SIM1: variants seen among roughly 807,000 people sequenced by gnomAD.
SIM1 encodes the protein single-minded homolog 1.
Under a neutral mutation model 78.2 loss-of-function variants are expected in SIM1, and 18 were observed. The observed-to-expected ratio is 0.23, with a 90% CI of 0.16 to 0.34. The LOEUF is 0.34. SIM1 is among the 10% of genes least tolerant of loss of function. The probability of loss-of-function intolerance (pLI) is 1.00; values close to 1 mark genes in which losing one functional copy is unlikely to be tolerated. For missense variants in SIM1, 939 were observed against 975.1 expected, an observed-to-expected ratio of 0.96 and a Z score of 0.49; for synonymous variants, 417 against 385.2, an observed-to-expected ratio of 1.08 and a Z score of -0.97.
At chr6:100,448,028 A>G in intron 8 of SIM1, 118 bp downstream of exon 8, 2 of 762,710 alleles carry the variant, frequency 2.6e-6, no homozygotes, top group East Asian at 5.4e-5. Context: ...CACCACCACC[A>G]CCCGGCTCCC....
Position 100,387,752 on chromosome 6 carries a change from T to C in SIM1, c.*2609A>G, listed in dbSNP as rs1331715104. ...TTTTAAAGAGCATTATTCCTTCTGATTACTCTCATCTGTGAAATTCATAAT... is the reference window on the plus strand; with the variant it reads ...TTTTAAAGAGCATTATTCCTTCTGACTACTCTCATCTGTGAAATTCATAAT... On this transcript the variant is annotated 3_prime_UTR_variant, in exon 12 of 12. Transcript: ENST00000369208. The C allele has an allele frequency of 1.3e-5, 2 of 152,130 alleles. No individual in the cohort carries two copies. The highest frequency in any genetic ancestry group is 4.8e-5 in the African/African-American group (2 of 41,448). The allele number at this position is 152,130 out of a possible 1,614,324, so 9.4% of individuals were successfully genotyped here.
rs1772476719 is a variant in SIM1 at position 100,450,372 on chromosome 6, TAGAG to T, written c.259-20_259-17del. ...CATCCAGGGTCTGGGGAGGCACAAATAGAGAGAATAGAGAGCCCTCTGGGCCATC... is the reference window on the plus strand; with the variant it reads ...CATCCAGGGTCTGGGGAGGCACAAATAGAATAGAGAGCCCTCTGGGCCATC... On this transcript the variant is annotated splice_polypyrimidine_tract_variant and intron_variant, in intron 3 of 11. Transcript: ENST00000369208. 9 of 1,605,412 alleles carry T rather than the reference TAGAG, an allele frequency of 5.6e-6. No individual in the cohort carries two copies. The highest frequency in any genetic ancestry group is 1.3e-5 in the African/African-American group (1 of 74,684).
intron 2 of SIM1, among the ~76,000 whole-genome samples, chr6:100,462,249 A>G (rs1772875151): frequency 6.6e-6 from 1 of 152,288 alleles, no homozygotes; most frequent in South Asian, 2.1e-4. Flanking sequence ...AATAAACACA[A>G]TTCTTTCCCT....
rs1202851296 is a variant in SIM1 at position 100,388,499 on chromosome 6, T to C, written c.*1862A>G. ...TTTTTTGCATTTACAGCACAAATGTTAACATTATTTAATTTTATGTAGCCT... is the reference window on the plus strand; with the variant it reads ...TTTTTTGCATTTACAGCACAAATGTCAACATTATTTAATTTTATGTAGCCT... On this transcript the variant is annotated 3_prime_UTR_variant, in exon 12 of 12. Coordinates refer to ENST00000369208, the MANE Select transcript of SIM1 (RefSeq NM_005068.3). 6.6e-6 allele frequency: 1 copy of C among 152,230 alleles called. No homozygotes were observed. Among genetic ancestry groups the C allele is most frequent in the Non-Finnish European group, 1.5e-5 (1 of 68,032 alleles). 9.4% of individuals were successfully genotyped at this position (152,230 alleles called of 1,614,324 possible).
chr6:100,413,075 T>TACC (rs1201980626), intron 10 of SIM1, among the ~76,000 whole-genome samples: 1 of 152,178 alleles, frequency 6.6e-6, no homozygotes, highest in African/African-American at 2.4e-5. Context: ...TCCCAACACA[T>TACC]ACCACCACCA....
At chr6:100,439,433 T>C (rs1772148472) in intron 9 of SIM1, among the ~76,000 whole-genome samples, 3 of 152,224 alleles carry the variant, frequency 2.0e-5, no homozygotes, top group Admixed American at 2.0e-4. Context: ...ACTATAACAT[T>C]GCAAACTGAG....
At position 100,448,627 on chromosome 6, in the gene SIM1, A is replaced by G. The variant is rs373707444; in HGVS notation, c.595T>C (p.Ser199Pro). 12 of 1,613,676 alleles carry G rather than the reference A, an allele frequency of 7.4e-6. No individual in the cohort carries two copies. The highest frequency in any genetic ancestry group is 1.3e-5 in the African/African-American group (1 of 74,912). Residue 199 changes from serine (S) to proline (P), a missense_variant, in exon 7 of 12, where the codon TCC (serine) becomes CCC (proline). By Grantham distance (74) the Ser-to-Pro change is moderately conservative. Coordinates refer to ENST00000369208, the MANE Select transcript of SIM1 (RefSeq NM_005068.3). ...LKIRQYSLDMSPFDGCYQNVG... is the reference protein window; with the variant it reads ...LKIRQYSLDMPPFDGCYQNVG... Reference sequence around the variant, plus strand: ...TTTTGGTAGCAGCCGTCGAAGGGGGACATGTCCAGGCTGTACTGGCGGATC... The same window carrying G: ...TTTTGGTAGCAGCCGTCGAAGGGGGGCATGTCCAGGCTGTACTGGCGGATC...
intron 9 of SIM1, among the ~76,000 whole-genome samples, chr6:100,446,760 A>C (rs1009835294): frequency 6.6e-6 from 1 of 152,138 alleles, no homozygotes; most frequent in African/African-American, 2.4e-5. Flanking sequence ...CTACGAGTTA[A>C]AGTCAGATCC....
intron 9 of SIM1, among the ~76,000 whole-genome samples, chr6:100,438,101 A>G (rs1772104715): frequency 6.6e-6 from 1 of 152,176 alleles, no homozygotes; most frequent in Admixed American, 6.5e-5. Flanking sequence ...ACAAAAATGA[A>G]AATAAATAAA....
At chr6:100,457,732 C>T (rs1772707629) in intron 2 of SIM1, among the ~76,000 whole-genome samples, 1 of 152,360 alleles carries the variant, frequency 6.6e-6, no homozygotes, top group Non-Finnish European at 1.5e-5. Context: ...GCACCCGACC[C>T]CACCTCTGGC....
At chr6:100,409,763 TC>T (rs1270684989) in intron 10 of SIM1, among the ~76,000 whole-genome samples, 1 of 152,196 alleles carries the variant, frequency 6.6e-6, no homozygotes, top group African/African-American at 2.4e-5. Flanking sequence ...ATTTTTTATT[TC>T]TTTTTTTATT....
At chr6:100,412,697 AAGAAAGAAAGAAAGAAAGAAAG>A (rs1771264043) in intron 10 of SIM1, among the ~76,000 whole-genome samples, 1 of 114,404 alleles carries the variant, frequency 8.7e-6, no homozygotes, top group Non-Finnish European at 1.8e-5. Context: ...GAAAGAAAGA[AAGAAAGAAAGAAAGAAAGAAAG>A]AAAGAAAGAA....
Position 100,453,818 on chromosome 6 carries a change from T to C in SIM1, c.202A>G (p.Ser68Gly). 1.2e-6 allele frequency: 2 copies of C among 1,612,562 alleles called. No homozygotes were observed. Among genetic ancestry groups the C allele is most frequent in the East Asian group, 4.5e-5 (2 of 44,674 alleles). ...ACGTTGTCCAGGGGGCTGGTCCGAC[T>C]TGAGTGGCCCCACGCCTCGCCGAGC... ...EGLGEAWGHS[S>G]RTSPLDNVGR... Residue 68 changes from serine to glycine, a missense_variant, in exon 3 of 12, where the codon AGT (serine) becomes GGT (glycine). Physicochemically the swap from Ser to Gly is moderately conservative, Grantham distance 56 (BLOSUM62 0). Around this residue, in one of 5 missense-constraint regions of SIM1, gnomAD observed 121 missense variants for 124.6 expected, o/e 0.97. Coordinates refer to ENST00000369208, the MANE Select transcript of SIM1 (RefSeq NM_005068.3).
At chr6:100,402,090 TG>T (rs1189231867) in intron 10 of SIM1, among the ~76,000 whole-genome samples, 1 of 152,170 alleles carries the variant, frequency 6.6e-6, no homozygotes, top group Non-Finnish European at 1.5e-5. Flanking sequence ...ATAAATAATA[TG>T]TATAACAGCA....
intron 10 of SIM1, among the ~76,000 whole-genome samples, chr6:100,397,959 T>A (rs1230444001): frequency 6.6e-6 from 1 of 151,976 alleles, no homozygotes; most frequent in African/African-American, 2.4e-5. Flanking sequence ...AAAACCACAA[T>A]GAAATATCAC....
At position 100,449,576 on chromosome 6, in the gene SIM1, A is replaced by G. The variant is rs760837052; in HGVS notation, c.457+15T>C. 2.5e-6 allele frequency: 4 copies of G among 1,607,510 alleles called. No individual in the cohort carries two copies. The highest frequency in any genetic ancestry group is 4.5e-5 in the East Asian group (2 of 44,840). ...TGCGATGGGCCTGAGCGTCGCAGGC[A>G]TGTGTCTACCTTACCCTGCACGAAG... On this transcript the variant is annotated intron_variant, in intron 5 of 11. Coordinates refer to ENST00000369208, the MANE Select transcript of SIM1 (RefSeq NM_005068.3).
chr6:100,397,549 A>T (rs2114469575), intron 10 of SIM1, among the ~76,000 whole-genome samples: 1 of 152,316 alleles, frequency 6.6e-6, no homozygotes, highest in East Asian at 1.9e-4. Context: ...ACTTAAATGC[A>T]AAACCTAAGA....
chr6:100,424,956 T>A (rs1189859950), intron 9 of SIM1, among the ~76,000 whole-genome samples: 2 of 152,204 alleles, frequency 1.3e-5, no homozygotes, highest in African/African-American at 4.8e-5. Flanking sequence ...TTCCTTTCTA[T>A]CCCTGATATG....
rs1225283794 is a variant in SIM1 at position 100,435,988 on chromosome 6, T to C, written c.998+11280A>G. The stretch of plus-strand genomic sequence containing the variant: ...CTGCCAGTCATGAACTCCCTTACCA[T>C]ACACATCACACACACACACACAGAC... On this transcript the variant is annotated intron_variant, in intron 9 of 11. Transcript: ENST00000369208. Among the ~76,000 whole-genome samples, 6 of 141,440 alleles carry C rather than the reference T, an allele frequency of 4.2e-5. No homozygotes were observed. In the East Asian group the frequency reaches 1.3e-3, roughly 32 times the overall value. The allele number at this position is 141,440 out of a possible 152,430, so 92.8% of individuals were successfully genotyped here.
Sources: gnomAD v4.1 joint callset for allele counts (sites outside exome capture counted in the v4.1 genomes callset) on GRCh38, gnomAD v4.1.1 for gene constraint, gnomAD v4.1.1 regional missense constraint, MANE v1.5 for transcripts, NCBI Gene and HGNC (gene_info 2026-07-23, HGNC 2026-07-21) for gene names.